SREK1: variants seen among roughly 807,000 people sequenced by gnomAD.
SREK1 encodes the protein splicing regulatory glutamine/lysine-rich protein 1.
A neutral mutation model predicts 66.5 loss-of-function variants in SREK1; 13 were observed. The ratio of observed to expected loss-of-function variants is 0.20; its 90% CI spans 0.13 to 0.31. The LOEUF (loss-of-function observed/expected upper bound fraction) is 0.31, where lower values mean the gene tolerates loss of function less well. Among genes scored for constraint, SREK1 ranks in the 10% least tolerant of loss-of-function variants. SREK1 has a pLI of 1.00. For synonymous variants in SREK1, 265 were observed against 263.5 expected (o/e 1.01, Z -0.05); for missense variants, 607 against 769.6 (o/e 0.79, Z 2.50).
intron 9 of SREK1, among the ~76,000 whole-genome samples, chr5:66,173,873 CTT>C (rs945953284): frequency 6.6e-6 from 1 of 152,114 alleles, no homozygotes; most frequent in Non-Finnish European, 1.5e-5. Context: ...TGTGGAGTGT[CTT>C]GGGAATAAAA....
intron 9 of SREK1, among the ~76,000 whole-genome samples, chr5:66,171,371 T>A (rs537189644): frequency 1.3e-5 from 2 of 152,300 alleles, no homozygotes; most frequent in East Asian, 3.9e-4. Context: ...TTAATTTTTA[T>A]CCTTATTTTG....
At position 66,144,362 on chromosome 5, in the gene SREK1, G is replaced by C. The variant is rs141516910; in HGVS notation, c.-15G>C. 7.6e-4 allele frequency: 1,164 copies of C among 1,531,570 alleles called. 7 individuals are homozygous for C. In the Middle Eastern group the frequency reaches 8.9e-3, roughly 12 times the overall value. The allele number at this position is 1,531,570 out of a possible 1,614,324, so 94.9% of individuals were successfully genotyped here. ...AGACGTTGGGGAGCGGGAAGGCAAC[G>C]GCAGCGGGATCGGGATGAACAGCGG... On this transcript the variant is annotated 5_prime_UTR_variant, in exon 1 of 12. Coordinates refer to ENST00000334121, the MANE Select transcript of SREK1 (RefSeq NM_001077199.3).
Position 66,170,845 on chromosome 5 carries a change from AAGAC to A in SREK1, c.1386_1389del (p.Arg463ProfsTer4), listed in dbSNP as rs764591897. On this transcript the variant is annotated frameshift_variant, in exon 9 of 12. Transcript: ENST00000334121. LOFTEE classifies it high-confidence loss of function. ...CAGGACAAAGAAAAGGAACGAGAAA[AAGAC>A]AGATCCAAAGAGATAGATGAAAAAA... The A allele has an allele frequency of 1.2e-6, 2 of 1,613,988 alleles. No homozygotes were observed. Among genetic ancestry groups the A allele is most frequent in the Non-Finnish European group, 1.7e-6 (2 of 1,179,974 alleles).
Position 66,164,767 on chromosome 5 carries a change from G to T in SREK1, c.887-16G>T. 6.2e-7 allele frequency: 1 copy of T among 1,613,866 alleles called. No individual in the cohort carries two copies. The highest frequency in any genetic ancestry group is 1.7e-4 in the Middle Eastern group (1 of 6,060). On this transcript the variant is annotated splice_polypyrimidine_tract_variant and intron_variant, in intron 6 of 11. Transcript: ENST00000334121. ...TTGTTCTGAGCTTACACTGCAAAGT[G>T]ATTTTTTCCTCCCAGAGTCTGGAAA...
intron 1 of SREK1, among the ~76,000 whole-genome samples, chr5:66,152,854 C>T (rs556013485): frequency 5.3e-5 from 8 of 152,264 alleles, no homozygotes; most frequent in Admixed American, 3.9e-4. Flanking sequence ...TTTTTAGTAT[C>T]GGCCTGCCTG....
At chr5:66,164,972 G>T in intron 7 of SREK1, 75 bp downstream of exon 7, 1 of 1,403,058 alleles carries the variant, frequency 7.1e-7, no homozygotes. Context: ...ATGAGTTTTC[G>T]TCAAAATATC....
chr5:66,160,683 G>C (rs1744682278), intron 3 of SREK1, among the ~76,000 whole-genome samples: 1 of 152,190 alleles, frequency 6.6e-6, no homozygotes, highest in African/African-American at 2.4e-5. Context: ...AAAAAGATCA[G>C]ACTGGCTGCT....
chr5:66,153,319 A>G (rs1159023550), intron 1 of SREK1, 144 bp from the exon 2 acceptor site: 3 of 1,003,734 alleles, frequency 3.0e-6, no homozygotes, highest in Middle Eastern at 3.0e-4. Flanking sequence ...TCACTGTTTT[A>G]TGTGTTAATG....
intron 6 of SREK1, 165 bp from the exon 7 acceptor site, chr5:66,164,618 C>T (rs1312020743): frequency 6.5e-7 from 1 of 1,539,258 alleles, no homozygotes; most frequent in East Asian, 2.5e-5. Flanking sequence ...GGTGGCTGCA[C>T]TCAACGAGTT....
chr5:66,147,655 A>G (rs756578117), intron 1 of SREK1, among the ~76,000 whole-genome samples: 21 of 152,156 alleles, frequency 1.4e-4, no homozygotes, highest in Non-Finnish European at 2.2e-4. Flanking sequence ...TCTGTCAACT[A>G]CTTAAGTTTA....
Position 66,163,925 on chromosome 5 carries a change from A to G in SREK1, c.886+3A>G. On this transcript the variant is annotated splice_donor_region_variant and intron_variant, in intron 6 of 11. Transcript: ENST00000334121. ...TATCTCAGCAGCTATTGAACCAGGT[A>G]AGTACATAACGTTGTTACATAGGTC... The G allele has an allele frequency of 1.2e-6, 2 of 1,613,156 alleles. No individual in the cohort carries two copies. The highest frequency in any genetic ancestry group is 8.5e-7 in the Non-Finnish European group (1 of 1,179,336).
chr5:66,170,237 A>G, intron 8 of SREK1, 67 bp downstream of exon 8: 1 of 1,505,708 alleles, frequency 6.6e-7, no homozygotes, highest in East Asian at 2.3e-5. Context: ...AAGGGATAAT[A>G]TTTTAATTGG....
At position 66,144,458 on chromosome 5, in the gene SREK1, T is replaced by G. The variant is rs1251062275; in HGVS notation, c.82T>G (p.Ser28Ala). The G allele has an allele frequency of 6.4e-7, 1 of 1,552,386 alleles. No individual in the cohort carries two copies. Residue 28 changes from serine to alanine, a missense_variant, in exon 1 of 12, where the codon TCG becomes GCG. Coordinates refer to ENST00000334121, the MANE Select transcript of SREK1 (RefSeq NM_001077199.3). The stretch of plus-strand genomic sequence containing the variant: ...GGTGATTCAGGTGACGAATCTGTCG[T>G]CGGCGGTGACCAGCGAGCAGATGCG... ...TSVIQVTNLS[S>A]AVTSEQMRTL...
rs570484937 is a variant in SREK1, at chr5:66,179,943, T to G, written c.*1075T>G. 2 of 152,694 alleles carry G rather than the reference T, an allele frequency of 1.3e-5. No homozygotes were observed. The highest frequency in any genetic ancestry group is 4.1e-4 in the South Asian group (2 of 4,830). 9.5% of individuals were successfully genotyped at this position (152,694 alleles called of 1,614,324 possible). A position where few individuals can be genotyped will look rare whatever the true frequency, so the allele number is the denominator to read the frequency against. On this transcript the variant is annotated 3_prime_UTR_variant, in exon 12 of 12. Transcript: ENST00000334121. ...GAAGTCCTGTTTTCAAGAATGACAT[T>G]AGAGTCATGCAGCTTTGGGACCATC...
rs766597926 is a variant in SREK1, at chr5:66,162,230, A to G, written c.533A>G (p.Asp178Gly). 3.7e-6 allele frequency: 6 copies of G among 1,614,160 alleles called. No individual in the cohort carries two copies. Among genetic ancestry groups the G allele is most frequent in the Non-Finnish European group, 5.1e-6 (6 of 1,179,994 alleles). Residue 178 changes from aspartate to glycine, a missense_variant, in exon 4 of 12, where the codon GAT (aspartate) becomes GGT (glycine). By Grantham distance (94) the Asp-to-Gly change is moderately conservative. This residue lies in a region of SREK1 where 99 missense variants were observed against 186.6 expected (regional missense o/e 0.53). Coordinates refer to ENST00000334121, the MANE Select transcript of SREK1 (RefSeq NM_001077199.3). Reference sequence around the variant, plus strand: ...GGAAACGTGGATCCTTCCAAAATAGATGAAATTAGGAGAACGGTTTATGTT... The same window carrying G: ...GGAAACGTGGATCCTTCCAAAATAGGTGAAATTAGGAGAACGGTTTATGTT... ...LMGNVDPSKI[D>G]EIRRTVYVGN...
chr5:66,163,301 A>G (rs1744913372), intron 5 of SREK1: 1 of 153,046 alleles, frequency 6.5e-6, no homozygotes, highest in African/African-American at 2.4e-5. Flanking sequence ...TACCTAGTAG[A>G]GGAAGAATTT....
intron 5 of SREK1, 147 bp downstream of exon 5, chr5:66,162,739 G>A: frequency 1.6e-6 from 1 of 643,072 alleles, no homozygotes; most frequent in Non-Finnish European, 2.5e-6. Context: ...AAATACATGA[G>A]ATACTTACCA....
chr5:66,157,750 A>G (rs1744413428), intron 2 of SREK1: 1 of 908,092 alleles, frequency 1.1e-6, no homozygotes, highest in Non-Finnish European at 1.3e-6. Context: ...ATAAAGTAAT[A>G]TAAACTTAGA....
rs757615584 is a variant in SREK1, at chr5:66,178,740, C to A, written c.1747C>A (p.Pro583Thr). Residue 583 changes from proline to threonine, a missense_variant, in exon 12 of 12, where the codon CCA (proline) becomes ACA (threonine). By Grantham distance (38) the Pro-to-Thr change is conservative. This residue lies in a region of SREK1 where 318 missense variants were observed against 310.3 expected (regional missense o/e 1.02). Transcript: ENST00000334121. ...SLKEKEHNKE[P>T]DSSVSKEVDD... Reference sequence around the variant, plus strand: ...GTAGGAGAAAGAGCACAATAAAGAACCAGATTCAAGTGTGAGCAAAGAAGT... The same window carrying A: ...GTAGGAGAAAGAGCACAATAAAGAAACAGATTCAAGTGTGAGCAAAGAAGT... 1.9e-6 allele frequency: 3 copies of A among 1,610,146 alleles called. No individual in the cohort carries two copies. Among genetic ancestry groups the A allele is most frequent in the African/African-American group, 1.3e-5 (1 of 74,840 alleles).
Sources: allele counts gnomAD v4.1 joint callset (sites outside exome capture counted in the v4.1 genomes callset), GRCh38; gene constraint gnomAD v4.1.1; regional missense constraint gnomAD v4.1.1; transcripts MANE v1.5; gene names NCBI Gene and HGNC (gene_info 2026-07-23, HGNC 2026-07-21).